Variants in FOLH1 observed in about 807,000 individuals in gnomAD.
The protein encoded by FOLH1 is glutamate carboxypeptidase 2.
In FOLH1, 54 loss-of-function variants were observed where a neutral mutation model predicts 93.9. That is an observed-to-expected ratio of 0.57 (90% confidence interval 0.46 to 0.72). FOLH1 has a LOEUF of 0.72. Among genes scored for constraint, FOLH1 ranks in the 30% least tolerant of loss-of-function variants. The probability of loss-of-function intolerance (pLI) is 0.00; values close to 1 mark genes in which losing one functional copy is unlikely to be tolerated. For synonymous variants in FOLH1, 249 were observed against 303.6 expected, an observed-to-expected ratio of 0.82 and a Z score of 1.87; for missense variants, 571 against 892.5, an observed-to-expected ratio of 0.64 and a Z score of 4.59.
chr11:49,187,745 G>T (rs73473159), intron 4 of FOLH1, among the ~76,000 whole-genome samples: 2,004 of 152,308 alleles, frequency 0.013, 49 homozygotes, highest in African/African-American at 0.046. Flanking sequence ...TGCAGGGAAG[G>T]CTCTCTGCAG....
chr11:49,178,803 A>G (rs1372932862), intron 7 of FOLH1, among the ~76,000 whole-genome samples: 1 of 152,242 alleles, frequency 6.6e-6, no homozygotes, highest in African/African-American at 2.4e-5. Context: ...GTAGATGTCC[A>G]GTAATTAATG....
chr11:49,190,990 T>C (rs1472730365), intron 4 of FOLH1, among the ~76,000 whole-genome samples: 2 of 152,170 alleles, frequency 1.3e-5, no homozygotes, highest in African/African-American at 4.8e-5. Context: ...AACCCTGAAA[T>C]GTATTGAGCA....
rs765030600 is a variant in FOLH1 at position 49,185,661 on chromosome 11, TC to T, written c.826+7del. 7.7e-5 allele frequency: 125 copies of T among 1,613,592 alleles called. No homozygotes were observed. The highest frequency in any genetic ancestry group is 1.0e-4 in the Non-Finnish European group (119 of 1,179,694). On this transcript the variant is annotated splice_region_variant and intron_variant, in intron 6 of 18. Coordinates refer to ENST00000256999, the MANE Select transcript of FOLH1 (RefSeq NM_004476.3). ...GTTTCCTATGATATTCAAGGATTGATCATTCACCATTTGCTGGGTAACCTGG... is the reference window on the plus strand; with the variant it reads ...GTTTCCTATGATATTCAAGGATTGATATTCACCATTTGCTGGGTAACCTGG...
At chr11:49,171,825 G>C (rs1029719980) in intron 10 of FOLH1, among the ~76,000 whole-genome samples, 5 of 152,076 alleles carry the variant, frequency 3.3e-5, no homozygotes, top group African/African-American at 1.2e-4. Context: ...ATGTGTCTCG[G>C]AGGTTATAAA....
intron 2 of FOLH1, among the ~76,000 whole-genome samples, chr11:49,202,786 T>C (rs1863425181): frequency 1.3e-5 from 2 of 152,316 alleles, no homozygotes; most frequent in South Asian, 2.1e-4. Context: ...CTGGGCACGG[T>C]GGCATGTGCC....
chr11:49,204,573 C>G (rs774254615), intron 2 of FOLH1, among the ~76,000 whole-genome samples: 4 of 152,150 alleles, frequency 2.6e-5, no homozygotes, highest in Non-Finnish European at 5.9e-5. Flanking sequence ...ATAAGCACAA[C>G]AGGCAGAGGA....
At chr11:49,182,480 G>A (rs1308426758) in intron 7 of FOLH1, among the ~76,000 whole-genome samples, 12 of 151,968 alleles carry the variant, frequency 7.9e-5, no homozygotes, top group Non-Finnish European at 1.6e-4. Flanking sequence ...AGAAGGGGAA[G>A]AAGAATAGAG....
intron 13 of FOLH1, 67 bp downstream of exon 13, chr11:49,164,638 A>G: frequency 9.1e-7 from 1 of 1,095,930 alleles, no homozygotes; most frequent in Non-Finnish European, 1.3e-6. Context: ...CCTATGTTTA[A>G]CATAATACCT....
intron 12 of FOLH1, among the ~76,000 whole-genome samples, chr11:49,165,542 G>T (rs558666463): frequency 7.2e-5 from 11 of 152,158 alleles, no homozygotes; most frequent in Admixed American, 4.6e-4. Flanking sequence ...GAGGAGTTTT[G>T]GGGGAGGGAA....
chr11:49,183,812 G>A (rs1485409736), intron 6 of FOLH1, among the ~76,000 whole-genome samples: 2 of 151,676 alleles, frequency 1.3e-5, no homozygotes, highest in Non-Finnish European at 2.9e-5. Context: ...CCAGGCAAAC[G>A]AATACACGAT....
In FOLH1 at chr11:49,208,446, C is replaced by T. The variant is rs1397625738; in HGVS notation, c.-37G>A. The T allele has an allele frequency of 3.4e-6, 5 of 1,472,336 alleles. No individual in the cohort carries two copies. The highest frequency in any genetic ancestry group is 4.7e-6 in the Non-Finnish European group (5 of 1,071,826). The allele number at this position is 1,472,336 out of a possible 1,614,324, so 91.2% of individuals were successfully genotyped here. On this transcript the variant is annotated 5_prime_UTR_variant, in exon 1 of 19. Transcript: ENST00000256999. ...CAGAGCCGGCCTCCCGGGACCCGCG[C>T]CTGTGCTGCTGCTCTACTGCGCGCC...
At chr11:49,168,220 T>G (rs528759056) in intron 12 of FOLH1, among the ~76,000 whole-genome samples, 1 of 151,600 alleles carries the variant, frequency 6.6e-6, no homozygotes. Flanking sequence ...ATGTCTTCCC[T>G]GAAAAAGTAA....
rs1855789401 is a variant in FOLH1, at chr11:49,146,508, C to G, written c.*248G>C. 1 of 331,184 alleles carries G rather than the reference C, an allele frequency of 3.0e-6. No homozygotes were observed. Among genetic ancestry groups the G allele is most frequent in the Admixed American group, 4.6e-5 (1 of 21,662 alleles). The allele number at this position is 331,184 out of a possible 1,614,324, so 20.5% of individuals were successfully genotyped here. On this transcript the variant is annotated 3_prime_UTR_variant, in exon 19 of 19. Transcript: ENST00000256999. ...AGTTTTACTATATTAGGCCATTCTC[C>G]TTAGATTTAATACTGAGTTAAATTT...
At chr11:49,187,292 T>C (rs570127086) in intron 4 of FOLH1, among the ~76,000 whole-genome samples, 1 of 152,310 alleles carries the variant, frequency 6.6e-6, no homozygotes, top group Admixed American at 6.5e-5. Flanking sequence ...TGAGTCTCGA[T>C]ATTCTCATTG....
intron 2 of FOLH1, among the ~76,000 whole-genome samples, chr11:49,201,957 T>C (rs1278524045): frequency 2.0e-5 from 3 of 152,360 alleles, no homozygotes; most frequent in East Asian, 3.9e-4. Flanking sequence ...AACATTTTGC[T>C]ATTATCAGGG....
At chr11:49,165,070 T>C (rs2135012517) in intron 12 of FOLH1, among the ~76,000 whole-genome samples, 2 of 152,306 alleles carry the variant, frequency 1.3e-5, no homozygotes, top group Middle Eastern at 6.8e-3. Flanking sequence ...TTCTGCATTA[T>C]ATCTGCATGA....
chr11:49,168,938 C>CA (rs1347896650), intron 12 of FOLH1, among the ~76,000 whole-genome samples: 26 of 142,066 alleles, frequency 1.8e-4, no homozygotes, highest in Middle Eastern at 3.6e-3. Flanking sequence ...TACTTCAAAG[C>CA]AAAAAAAAAG....
rs1856066344 is a variant in FOLH1 at position 49,148,712 on chromosome 11, T to A, written c.1990A>T (p.Met664Leu). 1 of 1,604,328 alleles carries A rather than the reference T, an allele frequency of 6.2e-7. No homozygotes were observed. The highest frequency in any genetic ancestry group is 8.5e-7 in the Non-Finnish European group (1 of 1,175,720). The change falls in exon 18 of 19, where the codon ATG becomes TTG. Residue 664 changes from methionine (M) to leucine (L), a missense_variant. By Grantham distance (15) the Met-to-Leu change is conservative. Coordinates refer to ENST00000256999, the MANE Select transcript of FOLH1 (RefSeq NM_004476.3). ...TCCAGAAACATGAGTTGATCATTCA[T>A]CATTCTTAATACTATTGGGCTGAGA... is the stretch of plus-strand genomic sequence containing the variant. ...DKSNPIVLRM[M>L]NDQLMFLERA... is the part of the protein sequence containing the mutation.
At chr11:49,195,481 A>G (rs897147970) in intron 3 of FOLH1, among the ~76,000 whole-genome samples, 1 of 152,128 alleles carries the variant, frequency 6.6e-6, no homozygotes, top group African/African-American at 2.4e-5. Context: ...CTGAATGTCA[A>G]TAAGTTAAGC....
Sources: gnomAD v4.1 joint callset for allele counts (sites outside exome capture counted in the v4.1 genomes callset) on GRCh38, gnomAD v4.1.1 for gene constraint, MANE v1.5 for transcripts, NCBI Gene and HGNC (gene_info 2026-07-23, HGNC 2026-07-21) for gene names.